The following SLC25A26 variants were observed in gnomAD, a reference collection of about 807,000 sequenced individuals.
SLC25A26 encodes solute carrier family 25 member 26.
In SLC25A26, 36 loss-of-function variants were observed where a neutral mutation model predicts 37.8. The observed-to-expected ratio is 0.95, with a 90% CI of 0.73 to 1.26. SLC25A26 has a LOEUF of 1.26. Among genes scored for constraint, SLC25A26 ranks in the 50% most tolerant of loss-of-function variants. The probability of loss-of-function intolerance (pLI) is 0.00; values close to 1 mark genes in which losing one functional copy is unlikely to be tolerated. For missense variants in SLC25A26, 390 were observed against 331.1 expected (o/e 1.18, Z -1.38); for synonymous variants, 129 against 122.5 (o/e 1.05, Z -0.35).
chr3:66,177,573 G>A (rs901765176), intron 1 of SLC25A26, among the ~76,000 whole-genome samples: 1 of 152,154 alleles, frequency 6.6e-6, no homozygotes, highest in South Asian at 2.1e-4. Flanking sequence ...TTTGCCCTAT[G>A]TAGAGCCTAT....
rs529397663 is a variant in SLC25A26 at position 66,236,765 on chromosome 3, G to A, written c.190+65G>A. On this transcript the variant is annotated intron_variant, in intron 2 of 9. Coordinates refer to ENST00000354883, the MANE Select transcript of SLC25A26 (RefSeq NM_001379210.1). ...GATGGGATTTTCAGAATGGTGTGTG[G>A]TCTTACCCCCATAGAATTCCTTGTG... The A allele has an allele frequency of 8.8e-6, 11 of 1,244,982 alleles. No individual in the cohort carries two copies. In the East Asian group the frequency reaches 1.3e-4, roughly 15 times the overall value. The allele number at this position is 1,244,982 out of a possible 1,614,324, so 77.1% of individuals were successfully genotyped here.
rs2071327868 is a variant in SLC25A26 at position 66,214,226 on chromosome 3, C to G, written c.-353-6516C>G. Among the ~76,000 whole-genome samples the G allele has an allele frequency of 4.6e-5, 7 of 152,216 alleles. 1 individual carries two copies. The South Asian group carries it at 1.5e-3, about 32-fold the overall frequency. ...TTGTTAAAAAGAGCCTGGCAGCTATCTTTCTACCTCTCTCACCATGTGACA... is the reference window on the plus strand; with the variant it reads ...TTGTTAAAAAGAGCCTGGCAGCTATGTTTCTACCTCTCTCACCATGTGACA... On this transcript the variant is annotated intron_variant, in intron 1 of 10. Transcript: ENST00000676754.
intron 1 of SLC25A26, among the ~76,000 whole-genome samples, chr3:66,150,944 G>A (rs888032567): frequency 6.6e-6 from 1 of 151,746 alleles, no homozygotes. Flanking sequence ...GTGCCTGTAT[G>A]GAATGGGGGA....
At chr3:66,262,994 A>G (rs776993221) in intron 4 of SLC25A26, among the ~76,000 whole-genome samples, 2 of 152,234 alleles carry the variant, frequency 1.3e-5, no homozygotes, top group Non-Finnish European at 2.9e-5. Flanking sequence ...TTTCAAGAGA[A>G]CACATGTTAG....
chr3:66,314,658 C>T (rs1162989062), intron 5 of SLC25A26, among the ~76,000 whole-genome samples: 1 of 151,990 alleles, frequency 6.6e-6, no homozygotes, highest in Non-Finnish European at 1.5e-5. Context: ...GGAGCACTTC[C>T]TTTTCAGTTG....
chr3:66,249,053 A>G (rs928009868), intron 3 of SLC25A26, among the ~76,000 whole-genome samples: 2 of 152,216 alleles, frequency 1.3e-5, no homozygotes, highest in Admixed American at 6.5e-5. Context: ...TAGGTGCACA[A>G]CACTGGGTGT....
chr3:66,172,158 C>T (rs2070508660), intron 1 of SLC25A26, among the ~76,000 whole-genome samples: 1 of 152,170 alleles, frequency 6.6e-6, no homozygotes, highest in East Asian at 1.9e-4. Flanking sequence ...CACCTGTAAT[C>T]TTAGCACTTT....
chr3:66,202,751 G>GA (rs1373572545), intron 1 of SLC25A26, among the ~76,000 whole-genome samples: 2 of 151,996 alleles, frequency 1.3e-5, no homozygotes, highest in East Asian at 3.9e-4. Context: ...ATTTTAAAAT[G>GA]AAAAAAGAGA....
chr3:66,310,520 G>A (rs1446605667), intron 5 of SLC25A26, among the ~76,000 whole-genome samples: 1 of 152,186 alleles, frequency 6.6e-6, no homozygotes, highest in African/African-American at 2.4e-5. Flanking sequence ...ATTGTTATGT[G>A]TGAATTCGAT....
intron 1 of SLC25A26, among the ~76,000 whole-genome samples, chr3:66,183,459 C>G (rs1424853037): frequency 6.6e-6 from 1 of 151,924 alleles, no homozygotes; most frequent in Non-Finnish European, 1.5e-5. Context: ...TCACCGTGTC[C>G]CCGAACATAT....
At chr3:66,345,522 C>G (rs1488859709) in intron 5 of SLC25A26, among the ~76,000 whole-genome samples, 1 of 145,904 alleles carries the variant, frequency 6.9e-6, no homozygotes, top group African/African-American at 2.5e-5. Context: ...TCCCTGCTTT[C>G]TTTCCCCTCC....
intron 5 of SLC25A26, among the ~76,000 whole-genome samples, chr3:66,265,439 T>C (rs1214342394): frequency 1.3e-5 from 2 of 152,240 alleles, no homozygotes; most frequent in African/African-American, 2.4e-5. Flanking sequence ...AAGAGAAGTC[T>C]GGTTTGGGAC....
intron 5 of SLC25A26, among the ~76,000 whole-genome samples, chr3:66,316,850 A>G (rs929086426): frequency 6.6e-6 from 1 of 151,978 alleles, no homozygotes; most frequent in African/African-American, 2.4e-5. Flanking sequence ...TTTCAGCAAG[A>G]TGGTATTCAA....
intron 5 of SLC25A26, among the ~76,000 whole-genome samples, chr3:66,269,649 A>C (rs2073885255): frequency 6.6e-6 from 1 of 152,214 alleles, no homozygotes; most frequent in Non-Finnish European, 1.5e-5. Context: ...AACTATCGCC[A>C]GAACTTCTGT....
Position 66,209,892 on chromosome 3 carries a change from C to CA in SLC25A26, c.-353-10850_-353-10849insA, listed in dbSNP as rs2071254603. 8.5e-4 allele frequency among the ~76,000 whole-genome samples: 21 copies of CA among 24,698 alleles called. 2 individuals carry two copies. Among genetic ancestry groups the CA allele is most frequent in the African/African-American group, 2.8e-3 (21 of 7,518 alleles). 16.2% of individuals were successfully genotyped at this position (24,698 alleles called of 152,430 possible). ...TATATATATACTCCTCTCTCTCTCT[C>CA]TCTATTTATATATATATATATATAT... is the stretch of plus-strand genomic sequence containing the variant. On this transcript the variant is annotated intron_variant, in intron 1 of 10. Coordinates refer to the SLC25A26 transcript ENST00000676754.
In SLC25A26 at chr3:66,242,062, G is replaced by C. The variant is rs563983883; in HGVS notation, c.191-1141G>C. Among the ~76,000 whole-genome samples the C allele has an allele frequency of 5.9e-5, 9 of 152,302 alleles. No individual in the cohort carries two copies. In the East Asian group the frequency reaches 1.7e-3, roughly 29 times the overall value. ...GGCCTTCTTGGATGCCACCTGGAGG[G>C]TGGAGGGAGGTTTGGAACTTATATT... On this transcript the variant is annotated intron_variant, in intron 2 of 9. Transcript: ENST00000354883.
At chr3:66,298,337 C>G (rs1216049265) in intron 5 of SLC25A26, among the ~76,000 whole-genome samples, 1 of 152,138 alleles carries the variant, frequency 6.6e-6, no homozygotes, top group South Asian at 2.1e-4. Flanking sequence ...TAGTAAAACT[C>G]CTTGTCATAA....
chr3:66,247,017 A>T (rs2072877086), intron 3 of SLC25A26, among the ~76,000 whole-genome samples: 2 of 151,464 alleles, frequency 1.3e-5, no homozygotes, highest in South Asian at 4.2e-4. Flanking sequence ...ACCCGCCACC[A>T]CACCCGGCTA....
intron 1 of SLC25A26, among the ~76,000 whole-genome samples, chr3:66,209,077 C>T (rs1205059027): frequency 1.4e-3 from 20 of 14,120 alleles, no homozygotes; most frequent in Non-Finnish European, 3.3e-3. Context: ...CACACACACA[C>T]CCATATAAAG....
Sources: gnomAD v4.1 joint callset for allele counts (sites outside exome capture counted in the v4.1 genomes callset) on GRCh38, gnomAD v4.1.1 for gene constraint, MANE v1.5 for transcripts, NCBI Gene and HGNC (gene_info 2026-07-23, HGNC 2026-07-21) for gene names.